The following COL5A1 variants were observed in gnomAD, a reference collection of about 807,000 sequenced individuals.
The protein encoded by COL5A1 is collagen alpha-1(V) chain.
COL5A1 carries 16 observed loss-of-function variants against 263.7 expected under a neutral mutation model. The ratio of observed to expected loss-of-function variants is 0.06; its 90% CI spans 0.04 to 0.09. The LOEUF is 0.09. COL5A1 is among the 10% of genes least tolerant of loss of function. The pLI, the probability that COL5A1 is intolerant of heterozygous loss-of-function variation, is 1.00. For synonymous variants in COL5A1, 1,012 were observed against 1,004.5 expected, an observed-to-expected ratio of 1.01 and a Z score of -0.14; for missense variants, 2,036 against 2,540.5, an observed-to-expected ratio of 0.80 and a Z score of 4.27.
chr9:134,776,796 G>A (rs1837070055), intron 27 of COL5A1, among the ~76,000 whole-genome samples: 1 of 152,206 alleles, frequency 6.6e-6, no homozygotes, highest in Non-Finnish European at 1.5e-5. Flanking sequence ...CCTGGAGGCT[G>A]GGAATTCCAA....
At chr9:134,670,125 C>T (rs1008928607) in intron 1 of COL5A1, among the ~76,000 whole-genome samples, 23 of 152,224 alleles carry the variant, frequency 1.5e-4, no homozygotes, top group African/African-American at 4.3e-4. Flanking sequence ...AATATCTCAA[C>T]GGCTGCTGAA....
chr9:134,809,150 C>G (rs1197576358), intron 42 of COL5A1, 33 bp from the exon 43 acceptor site: 2 of 1,526,518 alleles, frequency 1.3e-6, no homozygotes, highest in Admixed American at 1.9e-5. Flanking sequence ...AGGTTGGAGC[C>G]ACGTTTGACC....
At chr9:134,788,090 G>C (rs1485692934) in intron 31 of COL5A1, among the ~76,000 whole-genome samples, 1 of 152,048 alleles carries the variant, frequency 6.6e-6, no homozygotes, top group Admixed American at 6.5e-5. Flanking sequence ...GGTGGGAAGA[G>C]AGGTGGATGA....
intron 65 of COL5A1, among the ~76,000 whole-genome samples, chr9:134,838,651 G>A (rs746678272): frequency 6.6e-6 from 1 of 152,234 alleles, no homozygotes; most frequent in Non-Finnish European, 1.5e-5. Context: ...GTCTCTGCGT[G>A]CAGAGGAGGG....
rs863223482 is a variant in COL5A1, at chr9:134,842,239, A to G, written c.5453A>G (p.Asn1818Ser). Residue 1818 changes from asparagine to serine, a missense_variant, in exon 66 of 66, where the codon AAT becomes AGT. Transcript: ENST00000371817. The surrounding 1 kb of genome is among the most constrained non-coding windows in gnomAD (Gnocchi z 5.8). Reference sequence around the variant, plus strand: ...GTGCCCATCGTGGACATCATGTTCAATGACTTCGGTGAAGCGTCACAGAAA... The same window carrying G: ...GTGCCCATCGTGGACATCATGTTCAGTGACTTCGGTGAAGCGTCACAGAAA... ...EQVPIVDIMF[N>S]DFGEASQKFG... 5.0e-6 allele frequency: 8 copies of G among 1,614,064 alleles called. No individual in the cohort carries two copies. Among genetic ancestry groups the G allele is most frequent in the Middle Eastern group, 1.6e-4 (1 of 6,084 alleles).
chr9:134,811,518 G>A lies in COL5A1; in HGVS notation c.3609G>A (p.Arg1203=), dbSNP rs369518896. 3 of 1,607,568 alleles carry A rather than the reference G, an allele frequency of 1.9e-6. No homozygotes were observed. The highest frequency in any genetic ancestry group is 1.7e-5 in the Admixed American group (1 of 58,672). ...PSGADGEPGP[R]GQQGLFGQKG... is the part of the protein sequence containing the mutation. ...GAGCTGACGGCGAGCCGGGGCCTCG[G>A]GGCCAGCAGGGCCTTTTCGGGCAGA... Residue 1203 remains arginine (R), a synonymous_variant, in exon 46 of 66, where the codon CGG becomes CGA. Transcript: ENST00000371817.
intron 59 of COL5A1, 161 bp from the exon 60 acceptor site, chr9:134,822,837 C>T: frequency 2.3e-6 from 2 of 856,050 alleles, no homozygotes; most frequent in East Asian, 2.6e-5. Context: ...CAGGCCCCGA[C>T]CCTCCTCCCA....
Position 134,647,222 on chromosome 9 carries a change from C to T in COL5A1, c.109+4926C>T. Among the ~76,000 whole-genome samples, 1 of 152,210 alleles carries T rather than the reference C, an allele frequency of 6.6e-6. No individual in the cohort carries two copies. Among genetic ancestry groups the T allele is most frequent in the East Asian group, 1.9e-4 (1 of 5,188 alleles). ...TTGCCCGCTTAGCCGGTCTCTGCTG[C>T]CCCTTTGCCTTCCTTGGCCTCGGTT... On this transcript the variant is annotated intron_variant, in intron 1 of 65. Coordinates refer to ENST00000371817, the MANE Select transcript of COL5A1 (RefSeq NM_000093.5). This position sits in a 1 kb window ranked among gnomAD's most constrained non-coding sequence, Gnocchi z 5.0.
intron 9 of COL5A1, among the ~76,000 whole-genome samples, chr9:134,737,803 G>A (rs1835158576): frequency 6.6e-6 from 1 of 152,192 alleles, no homozygotes; most frequent in Non-Finnish European, 1.5e-5. Context: ...GTCCCCATTG[G>A]GGTTAGAGTG....
intron 39 of COL5A1, among the ~76,000 whole-genome samples, chr9:134,804,357 G>A (rs1433695737): frequency 3.3e-5 from 5 of 151,964 alleles, no homozygotes; most frequent in Admixed American, 2.0e-4. Flanking sequence ...GGAAAGTCGA[G>A]GCTAAGGGGT....
At chr9:134,722,302 G>A (rs974709982) in intron 4 of COL5A1, among the ~76,000 whole-genome samples, 5 of 152,210 alleles carry the variant, frequency 3.3e-5, no homozygotes, top group African/African-American at 9.7e-5. Context: ...GGATCAGAGC[G>A]CCGGGCACCT....
chr9:134,811,851 TAGTAAC>T (rs1838537261), intron 46 of COL5A1, among the ~76,000 whole-genome samples: 1 of 152,212 alleles, frequency 6.6e-6, no homozygotes, highest in South Asian at 2.1e-4. Flanking sequence ...GTGAGAAACA[TAGTAAC>T]AGTGACTTCT....
At chr9:134,645,211 G>A (rs1831437317) in intron 1 of COL5A1, among the ~76,000 whole-genome samples, 1 of 152,176 alleles carries the variant, frequency 6.6e-6, no homozygotes, top group African/African-American at 2.4e-5. Flanking sequence ...TGCGGGGCTG[G>A]CCAGAGCCTG....
At chr9:134,729,215 C>A (rs3124303) in intron 6 of COL5A1, among the ~76,000 whole-genome samples, 2 of 151,980 alleles carry the variant, frequency 1.3e-5, no homozygotes, top group African/African-American at 4.8e-5. Context: ...AGTCTGAGGT[C>A]GGCCTCGGGT....
chr9:134,642,269 C>A lies in COL5A1; in HGVS notation c.82C>A (p.Leu28Met), dbSNP rs1312200383. 5.9e-6 allele frequency: 7 copies of A among 1,181,892 alleles called. No homozygotes were observed. Among genetic ancestry groups the A allele is most frequent in the Non-Finnish European group, 7.4e-6 (7 of 942,656 alleles). 73.2% of individuals were successfully genotyped at this position (1,181,892 alleles called of 1,614,324 possible). Reference protein sequence around the residue: ...PLLPPLLLLLLWAPPPSRAAQ... With the variant: ...PLLPPLLLLLMWAPPPSRAAQ... ...GCTGCCCCCGCTGCTGCTGCTGCTGCTGTGGGCGCCGCCTCCGAGCCGCGC... is the reference window on the plus strand; with the variant it reads ...GCTGCCCCCGCTGCTGCTGCTGCTGATGTGGGCGCCGCCTCCGAGCCGCGC... The change falls in exon 1 of 66, where the codon CTG becomes ATG. Residue 28 changes from leucine to methionine, a missense_variant. By Grantham distance (15) the Leu-to-Met change is conservative. Transcript: ENST00000371817. This position sits in a 1 kb window ranked among gnomAD's most constrained non-coding sequence, Gnocchi z 4.5.
chr9:134,750,347 C>T (rs754885575), intron 11 of COL5A1, among the ~76,000 whole-genome samples, 195 bp from the exon 12 acceptor site: 19 of 152,222 alleles, frequency 1.2e-4, no homozygotes, highest in Non-Finnish European at 2.8e-4. Flanking sequence ...CCTTTCCGAT[C>T]CTCAGCCCAC....
chr9:134,747,860 TAC>T (rs1198111344), intron 11 of COL5A1, among the ~76,000 whole-genome samples: 6 of 130,682 alleles, frequency 4.6e-5, no homozygotes, highest in African/African-American at 8.9e-5. Flanking sequence ...CATGCATTCA[TAC>T]ACACATGCAG....
intron 1 of COL5A1, among the ~76,000 whole-genome samples, chr9:134,675,840 C>T (rs986870335): frequency 6.6e-6 from 1 of 152,184 alleles, no homozygotes; most frequent in African/African-American, 2.4e-5. Context: ...AGGAGCATTC[C>T]AAGAGACATG....
chr9:134,652,124 G>C lies in COL5A1; in HGVS notation c.109+9828G>C, dbSNP rs1414026176. Among the ~76,000 whole-genome samples the C allele has an allele frequency of 1.3e-5, 2 of 152,294 alleles. No individual in the cohort carries two copies. Among genetic ancestry groups the C allele is most frequent in the East Asian group, 3.9e-4 (2 of 5,186 alleles). ...GGGGTGAAGGGCGTTCTCGAGGGAA[G>C]GGTAGGGAACGATTTCTGACTGCGA... On this transcript the variant is annotated intron_variant, in intron 1 of 65. Coordinates refer to ENST00000371817, the MANE Select transcript of COL5A1 (RefSeq NM_000093.5). The surrounding 1 kb of genome is among the most constrained non-coding windows in gnomAD (Gnocchi z 4.4).
Sources: gnomAD v4.1 joint callset for allele counts (sites outside exome capture counted in the v4.1 genomes callset) on GRCh38, gnomAD v4.1.1 for gene constraint, Gnocchi (gnomAD v3.1) non-coding constraint, MANE v1.5 for transcripts, NCBI Gene and HGNC (gene_info 2026-07-23, HGNC 2026-07-21) for gene names.